Variants in CIT observed in about 807,000 individuals in gnomAD.
CIT encodes citron rho-interacting serine/threonine kinase.
Under a neutral mutation model 272.7 loss-of-function variants are expected in CIT, and 79 were observed. That is an observed-to-expected ratio of 0.29 (90% confidence interval 0.24 to 0.35). CIT has a LOEUF of 0.35. CIT is among the 10% of genes least tolerant of loss of function. The pLI, the probability that CIT is intolerant of heterozygous loss-of-function variation, is 1.00. For synonymous variants in CIT, 948 were observed against 995.6 expected, an observed-to-expected ratio of 0.95 and a Z score of 0.90; for missense variants, 1,909 against 2,618.3, an observed-to-expected ratio of 0.73 and a Z score of 5.91.
At chr12:119,825,465 G>T in intron 7 of CIT, 97 bp from the exon 8 acceptor site, 3 of 1,113,764 alleles carry the variant, frequency 2.7e-6, no homozygotes, top group Non-Finnish European at 3.9e-6. Flanking sequence ...ATTTGCCACT[G>T]ATTACTATTC....
chr12:119,709,490 G>A (rs1339128771), intron 39 of CIT, among the ~76,000 whole-genome samples: 5 of 152,088 alleles, frequency 3.3e-5, no homozygotes, highest in African/African-American at 7.2e-5. Context: ...AGGAAGAGAC[G>A]GAGGAAAAAG....
chr12:119,727,517 G>A (rs541453771), intron 28 of CIT, among the ~76,000 whole-genome samples: 80 of 152,180 alleles, frequency 5.3e-4, no homozygotes, highest in African/African-American at 1.0e-3. Context: ...CACTATTTGC[G>A]TGACAGGTAC....
chr12:119,727,282 A>C (rs899542757), intron 28 of CIT, among the ~76,000 whole-genome samples: 2 of 152,204 alleles, frequency 1.3e-5, no homozygotes, highest in African/African-American at 4.8e-5. Flanking sequence ...CCATACTCTT[A>C]CTTGAAAATT....
At chr12:119,874,271 C>T (rs1053219836) in intron 2 of CIT, among the ~76,000 whole-genome samples, 1 of 152,034 alleles carries the variant, frequency 6.6e-6, no homozygotes, top group Non-Finnish European at 1.5e-5. Flanking sequence ...AGGGTTTCAC[C>T]ACGTTGTCCA....
At position 119,770,407 on chromosome 12, in the gene CIT, T is replaced by G. The variant is rs2137578382; in HGVS notation, c.2208+378A>C. On this transcript the variant is annotated intron_variant, in intron 18 of 47. Coordinates refer to ENST00000392521, the MANE Select transcript of CIT (RefSeq NM_001206999.2). This position sits in a 1 kb window ranked among gnomAD's most constrained non-coding sequence, Gnocchi z 4.4. ...AGAATCTGAATTTCGGTCTTAAAGG[T>G]CTAAACCCCTACAGCTTTTTAAATT... Among the ~76,000 whole-genome samples, 1 of 152,208 alleles carries G rather than the reference T, an allele frequency of 6.6e-6. No individual in the cohort carries two copies. Among genetic ancestry groups the G allele is most frequent in the African/African-American group, 2.4e-5 (1 of 41,516 alleles).
chr12:119,765,585 C>G (rs1962351815), intron 19 of CIT, among the ~76,000 whole-genome samples: 1 of 150,300 alleles, frequency 6.7e-6, no homozygotes, highest in Non-Finnish European at 1.5e-5. Context: ...ATTCTCCCAT[C>G]CCAGCCTCCT....
chr12:119,691,954 T>C (rs963856637), intron 46 of CIT, among the ~76,000 whole-genome samples: 13 of 152,266 alleles, frequency 8.5e-5, no homozygotes, highest in Non-Finnish European at 1.6e-4. Context: ...TATCTTGGAA[T>C]ATAAACTTAT....
chr12:119,778,994 C>A (rs1338037658), intron 13 of CIT, among the ~76,000 whole-genome samples: 1 of 152,050 alleles, frequency 6.6e-6, no homozygotes, highest in Admixed American at 6.6e-5. Context: ...CCCGAGGTGG[C>A]GGATCACTTG....
In CIT at chr12:119,718,680, G is replaced by A. The variant is rs80097639; in HGVS notation, c.4003+19C>T. On this transcript the variant is annotated intron_variant, in intron 31 of 47. Transcript: ENST00000392521. The surrounding 1 kb of genome is among the most constrained non-coding windows in gnomAD (Gnocchi z 4.8). ...CCTTTTCCACATCCTTGAGCATTTTGGAGAGAGTGAGCCCCTACCTTCCTC... is the reference window on the plus strand; with the variant it reads ...CCTTTTCCACATCCTTGAGCATTTTAGAGAGAGTGAGCCCCTACCTTCCTC... The A allele has an allele frequency of 2.4e-4, 386 of 1,612,406 alleles. No homozygotes were observed. The African/African-American group carries it at 4.4e-3, about 18-fold the overall frequency.
intron 23 of CIT, among the ~76,000 whole-genome samples, chr12:119,748,554 G>A (rs1046805767): frequency 2.6e-5 from 4 of 152,184 alleles, no homozygotes; most frequent in South Asian, 2.1e-4. Context: ...TACATGCCCC[G>A]ATTTCACATC....
At chr12:119,736,824 C>T (rs544319223) in intron 24 of CIT, among the ~76,000 whole-genome samples, 12 of 152,264 alleles carry the variant, frequency 7.9e-5, no homozygotes, top group African/African-American at 2.9e-4. Context: ...GTAGTAAACC[C>T]ATTCCTTAAG....
chr12:119,836,567 A>C (rs1969035345), intron 5 of CIT, among the ~76,000 whole-genome samples: 1 of 152,176 alleles, frequency 6.6e-6, no homozygotes, highest in South Asian at 2.1e-4. Context: ...CCAAAAAAAG[A>C]AAAAGGAAAG....
chr12:119,745,623 A>C (rs1445357861), intron 23 of CIT, among the ~76,000 whole-genome samples: 1 of 152,092 alleles, frequency 6.6e-6, no homozygotes, highest in Non-Finnish European at 1.5e-5. Flanking sequence ...AAACAAAACA[A>C]ACCAAAAATA....
chr12:119,840,912 A>G (rs972857941), intron 5 of CIT, among the ~76,000 whole-genome samples: 1 of 152,244 alleles, frequency 6.6e-6, no homozygotes, highest in Admixed American at 6.5e-5. Flanking sequence ...CAATGACAGC[A>G]TAGCCTGCTA....
chr12:119,743,791 T>C (rs1197834828), intron 23 of CIT, among the ~76,000 whole-genome samples: 2 of 152,202 alleles, frequency 1.3e-5, no homozygotes, highest in Non-Finnish European at 1.5e-5. Context: ...ATACAGTATA[T>C]ATACTCCCTT....
intron 4 of CIT, among the ~76,000 whole-genome samples, chr12:119,854,905 G>C (rs749787005): frequency 6.6e-6 from 1 of 152,086 alleles, no homozygotes; most frequent in Non-Finnish European, 1.5e-5. Flanking sequence ...AGCCGAGATC[G>C]TGCCACTGCA....
At chr12:119,789,688 T>C (rs536305349) in intron 10 of CIT, among the ~76,000 whole-genome samples, 5 of 152,140 alleles carry the variant, frequency 3.3e-5, no homozygotes, top group Admixed American at 3.3e-4. Flanking sequence ...TTTTCTAAGA[T>C]TTTCTTTTTT....
intron 9 of CIT, among the ~76,000 whole-genome samples, chr12:119,820,937 T>C (rs1409012631): frequency 1.3e-5 from 2 of 152,104 alleles, no homozygotes; most frequent in Non-Finnish European, 2.9e-5. Context: ...ACCACTGCAT[T>C]CCTGCCTGGC....
At chr12:119,874,485 G>A (rs565244693) in intron 2 of CIT, among the ~76,000 whole-genome samples, 12 of 152,152 alleles carry the variant, frequency 7.9e-5, no homozygotes, top group East Asian at 5.8e-4. Context: ...CCTGACTTAC[G>A]AATACATAAA....
Sources: gnomAD v4.1 joint callset for allele counts (sites outside exome capture counted in the v4.1 genomes callset) on GRCh38, gnomAD v4.1.1 for gene constraint, Gnocchi (gnomAD v3.1) non-coding constraint, MANE v1.5 for transcripts, NCBI Gene and HGNC (gene_info 2026-07-23, HGNC 2026-07-21) for gene names.